The following PPM1D variants were observed in gnomAD, a reference collection of about 807,000 sequenced individuals.
PPM1D encodes the protein protein phosphatase 1D.
A neutral mutation model predicts 58.3 loss-of-function variants in PPM1D; 52 were observed. That is an observed-to-expected ratio of 0.89 (90% CI 0.71 to 1.12). PPM1D has a LOEUF of 1.12. Ranked by LOEUF, PPM1D falls within the 50% of genes most tolerant of loss-of-function variation. The pLI is 0.00. For missense variants in PPM1D, 564 were observed against 777.2 expected (o/e 0.73, Z 3.26); for synonymous variants, 278 against 285.1 (o/e 0.98, Z 0.25).
chr17:60,647,774 T>C (rs1392841154), intron 3 of PPM1D, 118 bp from the exon 4 acceptor site: 1 of 988,062 alleles, frequency 1.0e-6, no homozygotes, highest in Non-Finnish European at 1.5e-6. Flanking sequence ...TTGAATGTTA[T>C]CAAATGCTTT....
intron 1 of PPM1D, among the ~76,000 whole-genome samples, chr17:60,613,929 C>T (rs1694393192): frequency 6.9e-6 from 1 of 145,416 alleles, no homozygotes; most frequent in South Asian, 2.2e-4. Flanking sequence ...ACAGCCCAAG[C>T]CTCCCCGATG....
intron 1 of PPM1D, among the ~76,000 whole-genome samples, chr17:60,615,141 A>C (rs953813955): frequency 6.6e-6 from 1 of 152,152 alleles, no homozygotes; most frequent in Non-Finnish European, 1.5e-5. Context: ...TCACACCTCT[A>C]ATCCCAACAC....
rs1175575472 is a variant in PPM1D at position 60,626,132 on chromosome 17, C to T, written c.701+2383C>T. On this transcript the variant is annotated intron_variant, in intron 2 of 5. Coordinates refer to ENST00000305921, the MANE Select transcript of PPM1D (RefSeq NM_003620.4). ...AATTTTTTTTTGTTATTGCAAACTG[C>T]TGTGAAATGAAAAATCTGCACATAT... 3.3e-5 allele frequency among the ~76,000 whole-genome samples: 5 copies of T among 152,072 alleles called. No homozygotes were observed. In the East Asian group the frequency reaches 7.7e-4, roughly 23 times the overall value.
chr17:60,629,038 G>C (rs760869565), intron 2 of PPM1D, among the ~76,000 whole-genome samples: 18 of 152,142 alleles, frequency 1.2e-4, no homozygotes, highest in Non-Finnish European at 2.1e-4. Context: ...GGGTGACCAG[G>C]CTTAAGACCC....
intron 3 of PPM1D, among the ~76,000 whole-genome samples, chr17:60,635,403 C>T (rs1427522293): frequency 3.9e-5 from 6 of 151,958 alleles, no homozygotes; most frequent in South Asian, 2.1e-4. Flanking sequence ...TTAGTAGAGA[C>T]GGGGTTTCTC....
intron 3 of PPM1D, 58 bp from the exon 4 acceptor site, chr17:60,647,834 C>G: frequency 1.4e-6 from 2 of 1,472,462 alleles, no homozygotes; most frequent in Non-Finnish European, 1.9e-6. Context: ...TAATCTGTTG[C>G]TGTTGTACTA....
chr17:60,613,985 A>T (rs1348503427), intron 1 of PPM1D, among the ~76,000 whole-genome samples: 1 of 150,172 alleles, frequency 6.7e-6, no homozygotes, highest in African/African-American at 2.5e-5. Context: ...CGACTGCCCA[A>T]GGGCTGAGGA....
intron 2 of PPM1D, among the ~76,000 whole-genome samples, chr17:60,633,400 A>G (rs1010325941): frequency 2.6e-5 from 4 of 151,988 alleles, no homozygotes; most frequent in African/African-American, 9.7e-5. Context: ...TCACAATTTA[A>G]TGCCTATTTA....
intron 2 of PPM1D, among the ~76,000 whole-genome samples, chr17:60,628,515 C>G (rs1244915712): frequency 6.6e-6 from 1 of 152,152 alleles, no homozygotes; most frequent in African/African-American, 2.4e-5. Flanking sequence ...CTGTTCATCC[C>G]TCCCCCACTT....
chr17:60,656,572 TC>T lies in PPM1D; in HGVS notation c.1018-25del, dbSNP rs781062311. The T allele has an allele frequency of 1.2e-5, 19 of 1,605,906 alleles. No homozygotes were observed. The Admixed American group carries it at 3.0e-4, about 26-fold the overall frequency. On this transcript the variant is annotated intron_variant, in intron 4 of 5. Coordinates refer to ENST00000305921, the MANE Select transcript of PPM1D (RefSeq NM_003620.4). ...AGTGGCAGCTAAATCTGAGTTACTT[TC>T]CTTCTCCTTGTTCTTTTGAATACAG...
chr17:60,600,831 C>T lies in PPM1D; in HGVS notation c.417C>T (p.Cys139=), dbSNP rs1279317828. The stretch of plus-strand genomic sequence containing the variant: ...CCTCGTCCGAGCCGGCTAAGGTTTG[C>T]GCTGCCATCCGCAAAGGCTTTCTCG... ...GFTSSEPAKV[C]AAIRKGFLAC... is the part of the protein sequence containing the mutation. The change falls in exon 1 of 6, where the codon TGC becomes TGT. Residue 139 remains cysteine (C), a synonymous_variant. Coordinates refer to ENST00000305921, the MANE Select transcript of PPM1D (RefSeq NM_003620.4). The T allele has an allele frequency of 4.3e-6, 7 of 1,612,956 alleles. No individual in the cohort carries two copies. The African/African-American group carries it at 6.7e-5, about 15-fold the overall frequency.
Position 60,663,699 on chromosome 17 carries a change from C to G in PPM1D, c.*147C>G. 1.3e-6 allele frequency: 1 copy of G among 762,126 alleles called. No homozygotes were observed. 47.2% of individuals were successfully genotyped at this position (762,126 alleles called of 1,614,324 possible). A position where few individuals can be genotyped will look rare whatever the true frequency, so the allele number is the denominator to read the frequency against. ...TGGAATTCAGCAGTTTTATCCTGGC[C>G]TTGTACTTGCTTGTATTGTAAATGT... On this transcript the variant is annotated 3_prime_UTR_variant, in exon 6 of 6. Transcript: ENST00000305921.
chr17:60,663,658 AT>A lies in PPM1D; in HGVS notation c.*107del. ...TTAAGGGGAGAAAATTAAAAGAAAT[AT>A]ACAGTTTGACTTTTTGGAATTCAGC... is the stretch of plus-strand genomic sequence containing the variant. On this transcript the variant is annotated 3_prime_UTR_variant, in exon 6 of 6. Coordinates refer to ENST00000305921, the MANE Select transcript of PPM1D (RefSeq NM_003620.4). 8.2e-7 allele frequency: 1 copy of A among 1,222,022 alleles called. No homozygotes were observed. The highest frequency in any genetic ancestry group is 1.1e-6 in the Non-Finnish European group (1 of 897,284). 75.7% of individuals were successfully genotyped at this position (1,222,022 alleles called of 1,614,324 possible).
At chr17:60,614,572 A>G (rs1488015082) in intron 1 of PPM1D, among the ~76,000 whole-genome samples, 1 of 152,134 alleles carries the variant, frequency 6.6e-6, no homozygotes, top group African/African-American at 2.4e-5. Context: ...AACATTGGCA[A>G]CACGGTGGGG....
At chr17:60,645,651 TATATATATACAC>T (rs2031237611) in intron 3 of PPM1D, among the ~76,000 whole-genome samples, 1 of 141,418 alleles carries the variant, frequency 7.1e-6, no homozygotes, top group African/African-American at 2.6e-5. Context: ...TGTGTGTATA[TATATATATACAC>T]ACACACACAT....
chr17:60,629,992 A>G (rs2030887075), intron 2 of PPM1D, among the ~76,000 whole-genome samples: 1 of 152,098 alleles, frequency 6.6e-6, no homozygotes, highest in South Asian at 2.1e-4. Flanking sequence ...GTGAGCCAAG[A>G]TCCTGCCTCT....
chr17:60,606,444 T>C (rs974341037), intron 1 of PPM1D, among the ~76,000 whole-genome samples: 2 of 152,254 alleles, frequency 1.3e-5, no homozygotes, highest in African/African-American at 4.8e-5. Context: ...ATGGTAATTC[T>C]ATGTTTAACA....
intron 3 of PPM1D, among the ~76,000 whole-genome samples, chr17:60,644,304 A>C (rs2031194913): frequency 6.6e-6 from 1 of 151,968 alleles, no homozygotes; most frequent in African/African-American, 2.4e-5. Flanking sequence ...CTTTTTAAAA[A>C]GTTTTTTTAA....
At chr17:60,648,139 G>A in intron 4 of PPM1D, 57 bp downstream of exon 4, 2 of 1,534,562 alleles carry the variant, frequency 1.3e-6, no homozygotes, top group South Asian at 1.2e-5. Context: ...TGGTACTTCT[G>A]TCAGAATCTT....
Sources: gnomAD v4.1 joint callset for allele counts (sites outside exome capture counted in the v4.1 genomes callset) on GRCh38, gnomAD v4.1.1 for gene constraint, MANE v1.5 for transcripts, NCBI Gene and HGNC (gene_info 2026-07-23, HGNC 2026-07-21) for gene names.